The following GANAB variants were observed in gnomAD, a reference collection of about 807,000 sequenced individuals.
The protein encoded by GANAB is glucosidase II alpha subunit.
GANAB carries 35 observed loss-of-function variants against 129.9 expected under a neutral mutation model. The ratio of observed to expected loss-of-function variants is 0.27; its 90% CI spans 0.21 to 0.36. GANAB has a LOEUF of 0.36. GANAB is among the 10% of genes least tolerant of loss of function. The pLI is 1.00. For synonymous variants in GANAB, 482 were observed against 451.8 expected (o/e 1.07, Z -0.85); for missense variants, 939 against 1,221.0 (o/e 0.77, Z 3.44).
rs1391047810 is a variant in GANAB at position 62,634,933 on chromosome 11, T to C, written c.448A>G (p.Ile150Val). 1.9e-6 allele frequency: 3 copies of C among 1,613,850 alleles called. No homozygotes were observed. Among genetic ancestry groups the C allele is most frequent in the South Asian group, 1.1e-5 (1 of 91,072 alleles). Residue 150 changes from isoleucine (I) to valine (V), a missense_variant, in exon 5 of 24, where the codon ATC becomes GTC. By Grantham distance (29) the Ile-to-Val change is conservative (BLOSUM62 3). Transcript: ENST00000356638. ...AGGCGGAATGGCCGTGCTGTCAAGA[T>C]GATCTTGTAGGGTCCCTCAGCCATG... The part of the protein sequence containing the change: ...LTMAEGPYKI[I>V]LTARPFRLDL...
At chr11:62,633,956 G>C (rs760471649) in intron 5 of GANAB, 16 of 351,816 alleles carry the variant, frequency 4.5e-5, no homozygotes, top group Non-Finnish European at 7.3e-5. Context: ...GACATACATA[G>C]GGACTTCAAG....
Position 62,629,652 on chromosome 11 carries a change from G to A in GANAB, c.1770C>T (p.Arg590=), listed in dbSNP as rs1943567783. The change falls in exon 15 of 24, where the codon CGC becomes CGT. Residue 590 remains arginine, a synonymous_variant. Coordinates refer to ENST00000356638, the MANE Select transcript of GANAB (RefSeq NM_198334.3). ...CAAAGGGGCGTTCCATGCCCCCAGA[G>A]CGCTGTCTCAGCCCATCAGCAGTCG... The part of the protein sequence containing the change: ...HMATADGLRQ[R]SGGMERPFVL... 1 of 1,613,570 alleles carries A rather than the reference G, an allele frequency of 6.2e-7. No homozygotes were observed. The highest frequency in any genetic ancestry group is 8.5e-7 in the Non-Finnish European group (1 of 1,179,788).
At chr11:62,641,581 C>T (rs946980805) in intron 1 of GANAB, among the ~76,000 whole-genome samples, 3 of 60,330 alleles carry the variant, frequency 5.0e-5, no homozygotes, top group African/African-American at 1.4e-4. Context: ...ATACTGCCTG[C>T]AGTTTTTGTT....
At chr11:62,637,827 G>T (rs1944013576) in intron 4 of GANAB, among the ~76,000 whole-genome samples, 1 of 151,162 alleles carries the variant, frequency 6.6e-6, no homozygotes, top group African/African-American at 2.4e-5. Context: ...GAGGTCAGGA[G>T]ATTGAGACCA....
At chr11:62,628,155 G>A (rs1943487124) in intron 17 of GANAB, among the ~76,000 whole-genome samples, 1 of 148,896 alleles carries the variant, frequency 6.7e-6, no homozygotes, top group Admixed American at 6.7e-5. Flanking sequence ...TACATAACAT[G>A]GTCTGTCCCA....
At chr11:62,634,531 C>A (rs1364964868) in intron 5 of GANAB, 4 of 638,090 alleles carry the variant, frequency 6.3e-6, no homozygotes, top group Non-Finnish European at 8.3e-6. Flanking sequence ...GAAAATAAAT[C>A]TGGGAAATGT....
intron 1 of GANAB, among the ~76,000 whole-genome samples, chr11:62,640,336 A>C (rs921469393): frequency 2.0e-5 from 3 of 146,686 alleles, no homozygotes; most frequent in African/African-American, 7.6e-5. Flanking sequence ...GATCGAGACC[A>C]TCCTGGCTAA....
Position 62,629,571 on chromosome 11 carries a change from C to G in GANAB, c.1834+17G>C, listed in dbSNP as rs1261279663. On this transcript the variant is annotated intron_variant, in intron 15 of 23. Transcript: ENST00000356638. ...CCTTCACACCCTTCTGCCACAGCTCCATTCTCTAAACCTTACCAAAGCGCT... is the reference window on the plus strand; with the variant it reads ...CCTTCACACCCTTCTGCCACAGCTCGATTCTCTAAACCTTACCAAAGCGCT... 1 of 1,547,136 alleles carries G rather than the reference C, an allele frequency of 6.5e-7. No homozygotes were observed. The highest frequency in any genetic ancestry group is 8.8e-7 in the Non-Finnish European group (1 of 1,135,978).
At chr11:62,644,239 C>T (rs1016928758) in intron 1 of GANAB, among the ~76,000 whole-genome samples, 1 of 152,076 alleles carries the variant, frequency 6.6e-6, no homozygotes, top group Non-Finnish European at 1.5e-5. Flanking sequence ...CCATCGTGCC[C>T]GGCTGACACC....
chr11:62,646,468 G>A, intron 1 of GANAB, 94 bp downstream of exon 1: 1 of 1,394,442 alleles, frequency 7.2e-7, no homozygotes, highest in Non-Finnish European at 1.0e-6. Flanking sequence ...GGCCGGGGGT[G>A]GCAGAGTGTC....
At position 62,626,346 on chromosome 11, in the gene GANAB, G is replaced by C. The variant is rs1247328400; in HGVS notation, c.2613C>G (p.Thr871=). ...GGGTGACCCATTACCTGGAGACAAG[G>C]GTGTTGCCAGAGAATGAGAATCGAC... ...LLRRFSFSGN[T]LVSSSADPEG... The change falls in exon 22 of 24, where the codon ACC becomes ACG. Residue 871 remains threonine (T), a synonymous_variant. Transcript: ENST00000356638. 1.9e-6 allele frequency: 3 copies of C among 1,605,622 alleles called. No homozygotes were observed. Among genetic ancestry groups the C allele is most frequent in the Non-Finnish European group, 1.7e-6 (2 of 1,172,362 alleles).
chr11:62,626,772 A>G, intron 20 of GANAB, 88 bp from the exon 21 acceptor site: 1 of 1,304,054 alleles, frequency 7.7e-7, no homozygotes, highest in Non-Finnish European at 1.1e-6. Flanking sequence ...GTATGCCCAC[A>G]TAGGTACTGG....
intron 21 of GANAB, 50 bp from the exon 22 acceptor site, chr11:62,626,497 G>A (rs953598025): frequency 2.0e-6 from 3 of 1,509,854 alleles, no homozygotes; most frequent in South Asian, 1.1e-5. Context: ...AGGGAGTGAG[G>A]GGCACAACCC....
Position 62,627,086 on chromosome 11 carries a change from C to G in GANAB, c.2284G>C (p.Ala762Pro), listed in dbSNP as rs772872094. The change falls in exon 19 of 24, where the codon GCC (alanine) becomes CCC (proline). Residue 762 changes from alanine to proline, a missense_variant. Physicochemically the swap from Ala to Pro is conservative, Grantham distance 27. Around this residue, in one of 5 missense-constraint regions of GANAB, gnomAD observed 230 missense variants for 259.9 expected, o/e 0.89. Transcript: ENST00000356638. ...LLVHPVSDSG[A>P]HGVQVYLPGQ... ...GGCAGATAGACCTGGACACCATGGG[C>G]TCCAGAGTCTGATACAGGGTGAACC... 7 of 1,613,828 alleles carry G rather than the reference C, an allele frequency of 4.3e-6. No homozygotes were observed. Among genetic ancestry groups the G allele is most frequent in the Non-Finnish European group, 5.1e-6 (6 of 1,179,820 alleles).
rs764374413 is a variant in GANAB at position 62,625,410 on chromosome 11, C to T, written c.*405G>A. The stretch of plus-strand genomic sequence containing the variant: ...GAGGGAAGGGGAAAAGGAGCCCTAA[C>T]TCATTGCCCTCATCTTCTTCCAAGA... On this transcript the variant is annotated 3_prime_UTR_variant, in exon 24 of 24. Transcript: ENST00000356638. 2 of 405,516 alleles carry T rather than the reference C, an allele frequency of 4.9e-6. No individual in the cohort carries two copies. The highest frequency in any genetic ancestry group is 9.8e-6 in the Non-Finnish European group (2 of 205,024). The allele number at this position is 405,516 out of a possible 1,614,324, so 25.1% of individuals were successfully genotyped here. A position where few individuals can be genotyped will look rare whatever the true frequency, so the allele number is the denominator to read the frequency against.
intron 13 of GANAB, 39 bp downstream of exon 13, chr11:62,630,158 A>G: frequency 2.0e-6 from 3 of 1,494,136 alleles, no homozygotes; most frequent in East Asian, 2.3e-5. Context: ...AGGCAGGTGG[A>G]ACAGACAGAC....
At chr11:62,631,773 T>C (rs1421660681) in intron 9 of GANAB, among the ~76,000 whole-genome samples, 2 of 151,592 alleles carry the variant, frequency 1.3e-5, no homozygotes, top group Non-Finnish European at 2.9e-5. Flanking sequence ...ATCTTGCTTA[T>C]TATTTTTATT....
Position 62,625,546 on chromosome 11 carries a change from G to C in GANAB, c.*269C>G, listed in dbSNP as rs542383941. On this transcript the variant is annotated 3_prime_UTR_variant, in exon 24 of 24. Coordinates refer to ENST00000356638, the MANE Select transcript of GANAB (RefSeq NM_198334.3). ...AGGGCCCTGTGGTTTCCTGGTGTTC[G>C]TAAGTGAATGTGCTCCAGTTAGAGC... The C allele has an allele frequency of 4.0e-6, 2 of 499,142 alleles. No homozygotes were observed. The highest frequency in any genetic ancestry group is 1.9e-5 in the African/African-American group (1 of 51,662). 30.9% of individuals were successfully genotyped at this position (499,142 alleles called of 1,614,324 possible).
At position 62,632,775 on chromosome 11, in the gene GANAB, T is replaced by C. The variant is rs764958461; in HGVS notation, c.816-30A>G. ...AGGCAAACAGACAGACTTGGGCTGC[T>C]AACTGGCCCCAGGCTGCGTTATATG... is the stretch of plus-strand genomic sequence containing the variant. On this transcript the variant is annotated intron_variant, in intron 8 of 23. Coordinates refer to ENST00000356638, the MANE Select transcript of GANAB (RefSeq NM_198334.3). The C allele has an allele frequency of 2.5e-6, 4 of 1,585,788 alleles. No individual in the cohort carries two copies. In the East Asian group the frequency reaches 6.7e-5, roughly 27 times the overall value.
Sources: allele counts gnomAD v4.1 joint callset (sites outside exome capture counted in the v4.1 genomes callset), GRCh38; gene constraint gnomAD v4.1.1; regional missense constraint gnomAD v4.1.1; transcripts MANE v1.5; gene names NCBI Gene and HGNC (gene_info 2026-07-23, HGNC 2026-07-21).